The following CSMD1 variants were observed in gnomAD, a reference collection of about 807,000 sequenced individuals.
The protein encoded by CSMD1 is CUB and sushi domain-containing protein 1.
A neutral mutation model predicts 417.5 loss-of-function variants in CSMD1; 213 were observed. The ratio of observed to expected loss-of-function variants is 0.51; its 90% CI spans 0.46 to 0.57. The LOEUF is 0.57. Among genes scored for constraint, CSMD1 ranks in the 20% least tolerant of loss-of-function variants. The pLI is 0.00. For missense variants in CSMD1, 6,923 were observed against 4,529.7 expected, an observed-to-expected ratio of 1.53 and a Z score of -15.17; for synonymous variants, 2,862 against 1,736.8, an observed-to-expected ratio of 1.65 and a Z score of -16.11.
intron 26 of CSMD1, among the ~76,000 whole-genome samples, chr8:3,268,486 T>A (rs923712413): frequency 2.0e-5 from 3 of 151,848 alleles, no homozygotes; most frequent in Non-Finnish European, 4.4e-5. Context: ...AGACAGGGTT[T>A]CACCGTGTTA....
intron 10 of CSMD1, among the ~76,000 whole-genome samples, chr8:3,565,163 G>C (rs1470521481): frequency 1.8e-5 from 1 of 54,378 alleles, no homozygotes; most frequent in Non-Finnish European, 3.7e-5. Context: ...AAAAAAAAGA[G>C]AGAGATCAAG....
chr8:3,772,217 T>C lies in CSMD1; in HGVS notation c.819-18175A>G, dbSNP rs779933849. On this transcript the variant is annotated intron_variant, in intron 5 of 69. Coordinates refer to ENST00000635120, the MANE Select transcript of CSMD1 (RefSeq NM_033225.6). ...ACACACACACACACACACACACACA[T>C]ATAATACACACACATATTTATATAT... 8.7e-4 allele frequency among the ~76,000 whole-genome samples: 115 copies of C among 132,550 alleles called. 1 individual carries two copies. The highest frequency in any genetic ancestry group is 1.3e-3 in the Non-Finnish European group (79 of 61,358). The allele number at this position is 132,550 out of a possible 152,430, so 87.0% of individuals were successfully genotyped here.
chr8:4,140,706 T>G (rs1431753353), intron 3 of CSMD1, among the ~76,000 whole-genome samples: 1 of 150,762 alleles, frequency 6.6e-6, no homozygotes. Flanking sequence ...AACCCATGGA[T>G]GGTGTTCTGG....
intron 23 of CSMD1, among the ~76,000 whole-genome samples, chr8:3,308,720 C>T (rs183252365): frequency 5.9e-4 from 86 of 145,354 alleles, no homozygotes; most frequent in South Asian, 6.4e-4. Flanking sequence ...ATTTGTTCCT[C>T]CCTACTTACA....
chr8:3,709,153 A>ATTTT (rs10646728), intron 6 of CSMD1, among the ~76,000 whole-genome samples: 8,505 of 146,108 alleles, frequency 0.058, 316 homozygotes, highest in Middle Eastern at 0.092. Flanking sequence ...AAGAAGTTTC[A>ATTTT]TTTTTTTTTT....
At chr8:4,020,070 G>C (rs1448268970) in intron 4 of CSMD1, among the ~76,000 whole-genome samples, 2 of 152,142 alleles carry the variant, frequency 1.3e-5, no homozygotes, top group African/African-American at 2.4e-5. Context: ...AGGAGATAGA[G>C]ACAGTAATTA....
At chr8:3,138,600 C>T (rs180883533) in intron 41 of CSMD1, among the ~76,000 whole-genome samples, 134 of 152,288 alleles carry the variant, frequency 8.8e-4, no homozygotes, top group Non-Finnish European at 1.6e-3. Flanking sequence ...GACATTGCCT[C>T]CTGCAGGGTA....
chr8:4,493,125 G>A (rs1469269273), intron 2 of CSMD1, among the ~76,000 whole-genome samples: 1 of 152,084 alleles, frequency 6.6e-6, no homozygotes, highest in African/African-American at 2.4e-5. Context: ...ACCTGCTCTG[G>A]TACCGTAAGA....
intron 1 of CSMD1, among the ~76,000 whole-genome samples, chr8:4,914,099 T>C (rs1268454604): frequency 6.6e-6 from 1 of 152,154 alleles, no homozygotes; most frequent in Non-Finnish European, 1.5e-5. Flanking sequence ...TTTACATTTA[T>C]GGATGATTGA....
intron 3 of CSMD1, among the ~76,000 whole-genome samples, chr8:4,257,114 A>T (rs1179127175): frequency 1.3e-5 from 2 of 152,196 alleles, no homozygotes; most frequent in East Asian, 3.8e-4. Flanking sequence ...CATACTCTAT[A>T]TGAGTCATAC....
chr8:3,163,307 G>A (rs1051059886), intron 37 of CSMD1, among the ~76,000 whole-genome samples: 2 of 151,894 alleles, frequency 1.3e-5, no homozygotes, highest in African/African-American at 4.8e-5. Flanking sequence ...TTTAGTTCTT[G>A]TACTTCACAA....
intron 1 of CSMD1, among the ~76,000 whole-genome samples, chr8:4,923,023 G>C (rs1054874891): frequency 4.6e-5 from 7 of 152,188 alleles, no homozygotes; most frequent in African/African-American, 1.7e-4. Flanking sequence ...CAGCTAGATG[G>C]GGTGCTACTA....
At chr8:3,093,272 G>C (rs1356754910) in intron 47 of CSMD1, among the ~76,000 whole-genome samples, 6 of 152,168 alleles carry the variant, frequency 3.9e-5, no homozygotes, top group South Asian at 2.1e-4. Flanking sequence ...CGCCCTGAGT[G>C]GGGGCCACAT....
At chr8:3,860,378 T>TA (rs776941047) in intron 5 of CSMD1, among the ~76,000 whole-genome samples, 9 of 152,156 alleles carry the variant, frequency 5.9e-5, no homozygotes, top group Admixed American at 1.3e-4. Context: ...TATGATATAT[T>TA]AAAAAAATCA....
chr8:4,692,222 A>C (rs951510426), intron 1 of CSMD1, among the ~76,000 whole-genome samples: 3 of 151,856 alleles, frequency 2.0e-5, no homozygotes, highest in African/African-American at 7.3e-5. Flanking sequence ...TACCGACCTC[A>C]CTCAAGTCCT....
intron 3 of CSMD1, among the ~76,000 whole-genome samples, chr8:4,384,440 C>T (rs947912260): frequency 2.6e-5 from 4 of 152,110 alleles, no homozygotes; most frequent in Admixed American, 2.6e-4. Flanking sequence ...ATTCTAAACA[C>T]TTGCTGGTTT....
chr8:3,668,927 T>A (rs1440575304), intron 7 of CSMD1, among the ~76,000 whole-genome samples: 1 of 152,198 alleles, frequency 6.6e-6, no homozygotes, highest in East Asian at 1.9e-4. Flanking sequence ...CATAGCTCTT[T>A]GAGAGGCGTG....
At chr8:3,591,259 G>A (rs13259862) in intron 8 of CSMD1, among the ~76,000 whole-genome samples, 1 of 151,930 alleles carries the variant, frequency 6.6e-6, no homozygotes, top group African/African-American at 2.4e-5. Flanking sequence ...ATACAACAGG[G>A]AAACATACAT....
At chr8:3,381,976 G>C (rs997469796) in intron 18 of CSMD1, among the ~76,000 whole-genome samples, 10 of 152,118 alleles carry the variant, frequency 6.6e-5, no homozygotes, top group Non-Finnish European at 1.5e-4. Context: ...GAATGTATCA[G>C]GCTGGGCGCG....
Sources: gnomAD v4.1 joint callset for allele counts (sites outside exome capture counted in the v4.1 genomes callset) on GRCh38, gnomAD v4.1.1 for gene constraint, MANE v1.5 for transcripts, NCBI Gene and HGNC (gene_info 2026-07-23, HGNC 2026-07-21) for gene names.